The following SEL1L2 variants were observed in gnomAD, a reference collection of about 807,000 sequenced individuals.
The protein encoded by SEL1L2 is SEL1L2 adaptor subunit of SYVN1 ubiquitin ligase.
A neutral mutation model predicts 98.8 loss-of-function variants in SEL1L2; 89 were observed. That is an observed-to-expected ratio of 0.90 (90% CI 0.76 to 1.07). The LOEUF is 1.07. Ranked by LOEUF, SEL1L2 falls within the 50% of genes least tolerant of loss-of-function variation. The pLI, the probability that SEL1L2 is intolerant of heterozygous loss-of-function variation, is 0.00. For missense variants in SEL1L2, 788 were observed against 812.0 expected (o/e 0.97, Z 0.36); for synonymous variants, 262 against 278.5 (o/e 0.94, Z 0.59).
chr20:13,952,831 C>T (rs2050336369), intron 2 of SEL1L2, among the ~76,000 whole-genome samples: 1 of 152,164 alleles, frequency 6.6e-6, no homozygotes, highest in South Asian at 2.1e-4. Context: ...AAGATCAAGA[C>T]CATCCTGGCC....
At chr20:13,876,200 G>T in intron 11 of SEL1L2, 85 bp from the exon 12 acceptor site, 1 of 958,870 alleles carries the variant, frequency 1.0e-6, no homozygotes, top group Non-Finnish European at 1.7e-6. Flanking sequence ...AGAGGTAACA[G>T]TGGTACAACA....
At chr20:13,892,538 A>T (rs2047249876) in intron 5 of SEL1L2, among the ~76,000 whole-genome samples, 1 of 152,212 alleles carries the variant, frequency 6.6e-6, no homozygotes, top group African/African-American at 2.4e-5. Context: ...GAAAATGAAA[A>T]AGGAATCAAA....
At chr20:13,853,435 AAC>A in intron 18 of SEL1L2, among the ~76,000 whole-genome samples, 1 of 151,828 alleles carries the variant, frequency 6.6e-6, no homozygotes, top group South Asian at 2.1e-4. Context: ...GCTAGTCTTG[AAC>A]TCCTGGACTC....
rs149221371 is a variant in SEL1L2 at position 13,935,321 on chromosome 20, C to A, written c.115-3550G>T. 4.1e-3 allele frequency among the ~76,000 whole-genome samples: 618 copies of A among 152,288 alleles called. 2 individuals are homozygous for A. The highest frequency in any genetic ancestry group is 9.8e-3 in the East Asian group (51 of 5,186). The stretch of plus-strand genomic sequence containing the variant: ...CCAGGGATACAGCCAAACCAACCAA[C>A]CAAACAAACAAAGTCTCTGCCCTCT... On this transcript the variant is annotated intron_variant, in intron 2 of 19. Coordinates refer to ENST00000284951, the MANE Select transcript of SEL1L2 (RefSeq NM_025229.2).
At chr20:13,896,262 G>C (rs562268811) in intron 5 of SEL1L2, among the ~76,000 whole-genome samples, 1 of 152,246 alleles carries the variant, frequency 6.6e-6, no homozygotes, top group East Asian at 1.9e-4. Context: ...ACAAGGTCAA[G>C]ATATCAAGAC....
chr20:13,925,794 T>G (rs2048865581), intron 3 of SEL1L2, among the ~76,000 whole-genome samples: 2 of 152,242 alleles, frequency 1.3e-5, no homozygotes, highest in Non-Finnish European at 2.9e-5. Flanking sequence ...TATGACATAC[T>G]TTAGGCAACA....
chr20:13,913,298 TAA>T (rs2048277056), intron 5 of SEL1L2, among the ~76,000 whole-genome samples: 1 of 152,194 alleles, frequency 6.6e-6, no homozygotes, highest in Admixed American at 6.5e-5. Flanking sequence ...TAGGATGATG[TAA>T]AAAGAGAAAT....
At chr20:13,990,168 A>C (rs969927933) in intron 1 of SEL1L2, among the ~76,000 whole-genome samples, 1 of 152,218 alleles carries the variant, frequency 6.6e-6, no homozygotes, top group Non-Finnish European at 1.5e-5. Context: ...TAAATTTAAT[A>C]ACACTTAACA....
At chr20:13,944,577 T>G (rs1600857372) in intron 2 of SEL1L2, among the ~76,000 whole-genome samples, 1 of 152,192 alleles carries the variant, frequency 6.6e-6, no homozygotes, top group East Asian at 1.9e-4. Context: ...TTCAGAAAAA[T>G]CAAGAGTTCA....
chr20:13,878,371 T>C (rs1459148344), intron 10 of SEL1L2, among the ~76,000 whole-genome samples: 1 of 151,510 alleles, frequency 6.6e-6, no homozygotes, highest in East Asian at 1.9e-4. Flanking sequence ...TGGCACGATC[T>C]CGGCTCACTG....
At chr20:13,863,870 T>G (rs895328672) in intron 17 of SEL1L2, among the ~76,000 whole-genome samples, 8 of 150,946 alleles carry the variant, frequency 5.3e-5, no homozygotes, top group African/African-American at 1.7e-4. Flanking sequence ...CTTGGTAGGC[T>G]GAGGCAGGAG....
At chr20:13,852,746 G>A (rs952935712) in intron 18 of SEL1L2, among the ~76,000 whole-genome samples, 1 of 152,128 alleles carries the variant, frequency 6.6e-6, no homozygotes, top group African/African-American at 2.4e-5. Flanking sequence ...GTTCAAAATA[G>A]CTTCTTTTAA....
chr20:13,905,086 C>G (rs2047861361), intron 5 of SEL1L2, among the ~76,000 whole-genome samples: 1 of 152,086 alleles, frequency 6.6e-6, no homozygotes, highest in African/African-American at 2.4e-5. Context: ...AAGAGTAAAA[C>G]CATGCTTTTA....
intron 1 of SEL1L2, among the ~76,000 whole-genome samples, chr20:13,967,298 C>CT (rs2051091860): frequency 2.0e-5 from 3 of 152,272 alleles, no homozygotes; most frequent in South Asian, 4.1e-4. Context: ...TCCTGCTGAA[C>CT]TTTACTTTCT....
intron 5 of SEL1L2, among the ~76,000 whole-genome samples, chr20:13,892,292 T>C (rs866383832): frequency 6.6e-6 from 1 of 150,426 alleles, no homozygotes; most frequent in Non-Finnish European, 1.5e-5. Context: ...TGTACAAAAA[T>C]ATGAAAATCA....
At chr20:13,930,317 T>C (rs984664510) in intron 3 of SEL1L2, among the ~76,000 whole-genome samples, 9 of 152,218 alleles carry the variant, frequency 5.9e-5, no homozygotes, top group Non-Finnish European at 1.3e-4. Flanking sequence ...TGTCCTTGAC[T>C]TGAGACCATA....
chr20:13,880,925 C>T (rs76232422), intron 10 of SEL1L2, among the ~76,000 whole-genome samples: 1 of 152,076 alleles, frequency 6.6e-6, no homozygotes, highest in South Asian at 2.1e-4. Context: ...TTCATTGGCT[C>T]TAAGAAAATC....
At chr20:13,866,964 A>C (rs2147828650) in intron 14 of SEL1L2, 114 bp from the exon 15 acceptor site, 1 of 1,054,532 alleles carries the variant, frequency 9.5e-7, no homozygotes, top group East Asian at 3.1e-5. Flanking sequence ...GGGAAAAGCC[A>C]ACCAAAAGTC....
intron 5 of SEL1L2, among the ~76,000 whole-genome samples, chr20:13,909,221 C>G (rs749383023): frequency 3.3e-5 from 5 of 152,160 alleles, no homozygotes; most frequent in Non-Finnish European, 7.3e-5. Flanking sequence ...GATTTCTGTA[C>G]CAAGCTGGCA....
Sources: allele counts gnomAD v4.1 joint callset (sites outside exome capture counted in the v4.1 genomes callset), GRCh38; gene constraint gnomAD v4.1.1; transcripts MANE v1.5; gene names NCBI Gene and HGNC (gene_info 2026-07-23, HGNC 2026-07-21).